GALNT2: variants seen among roughly 807,000 people sequenced by gnomAD.
GALNT2 encodes UDP-GalNAc:polypeptide N-acetylgalactosaminyltransferase 2.
A neutral mutation model predicts 81.4 loss-of-function variants in GALNT2; 31 were observed. The ratio of observed to expected loss-of-function variants is 0.38; its 90% CI spans 0.29 to 0.51. The LOEUF (loss-of-function observed/expected upper bound fraction) is 0.51, where lower values mean the gene tolerates loss of function less well. Ranked by LOEUF, GALNT2 falls within the 20% of genes least tolerant of loss-of-function variation. The pLI is 0.87. For synonymous variants in GALNT2, 303 were observed against 287.4 expected, an observed-to-expected ratio of 1.05 and a Z score of -0.55; for missense variants, 629 against 765.7, an observed-to-expected ratio of 0.82 and a Z score of 2.11.
intron 1 of GALNT2, among the ~76,000 whole-genome samples, chr1:230,089,250 G>C (rs1463582834): frequency 1.3e-5 from 2 of 151,322 alleles, no homozygotes; most frequent in African/African-American, 2.4e-5. Context: ...GGGTTCAAGC[G>C]ATTCTTCTGC....
intron 2 of GALNT2, among the ~76,000 whole-genome samples, chr1:230,188,861 G>T (rs1023105872): frequency 6.6e-6 from 1 of 152,160 alleles, no homozygotes; most frequent in Non-Finnish European, 1.5e-5. Flanking sequence ...AGAGAAGAAT[G>T]TCATTTTTTC....
At chr1:230,238,003 G>A (rs1451465463) in intron 6 of GALNT2, among the ~76,000 whole-genome samples, 1 of 152,198 alleles carries the variant, frequency 6.6e-6, no homozygotes, top group African/African-American at 2.4e-5. Context: ...GTTCATTTCG[G>A]TTGAACCCGT....
intron 1 of GALNT2, among the ~76,000 whole-genome samples, chr1:230,069,333 G>A (rs1659305488): frequency 6.6e-6 from 1 of 151,982 alleles, no homozygotes; most frequent in Non-Finnish European, 1.5e-5. Context: ...GACAGGTACG[G>A]AGACCAGGTA....
intron 3 of GALNT2, among the ~76,000 whole-genome samples, chr1:230,229,572 T>TG (rs1295973370): frequency 3.9e-5 from 6 of 152,156 alleles, no homozygotes; most frequent in African/African-American, 1.4e-4. Context: ...TAGTCCTACT[T>TG]GTGGGTAAAT....
intron 3 of GALNT2, among the ~76,000 whole-genome samples, chr1:230,207,887 T>G (rs1325881405): frequency 1.3e-5 from 2 of 151,856 alleles, no homozygotes. Flanking sequence ...AGCCCCATCC[T>G]AGTTTTGAAA....
chr1:230,236,239 G>A, intron 4 of GALNT2, 114 bp from the exon 5 acceptor site: 1 of 1,352,902 alleles, frequency 7.4e-7, no homozygotes, highest in Non-Finnish European at 1.0e-6. Context: ...ACAGGGTGCA[G>A]TGTGTAGCTC....
chr1:230,169,303 G>A (rs1662713506), intron 1 of GALNT2, among the ~76,000 whole-genome samples: 2 of 152,226 alleles, frequency 1.3e-5, no homozygotes, highest in Admixed American at 1.3e-4. Context: ...ATAGTTCAAA[G>A]GGGATGGGAT....
intron 3 of GALNT2, among the ~76,000 whole-genome samples, chr1:230,208,670 G>A (rs1016272065): frequency 6.6e-6 from 1 of 152,220 alleles, no homozygotes; most frequent in Admixed American, 6.5e-5. Context: ...TGGAGCCAAC[G>A]GCTGACACTT....
At position 230,275,813 on chromosome 1, in the gene GALNT2, A is replaced by AATATACATGCCACATATATACATGT. The variant is rs1226494442; in HGVS notation, c.1560+1266_1560+1290dup. 2.0e-5 allele frequency among the ~76,000 whole-genome samples: 3 copies of AATATACATGCCACATATATACATGT among 150,644 alleles called. No individual in the cohort carries two copies. The highest frequency in any genetic ancestry group is 3.0e-5 in the Non-Finnish European group (2 of 67,610). ...TATATACATGCCACATATATATACA[A>AATATACATGCCACATATATACATGT]ATATACATGCCACATATATACATGT... On this transcript the variant is annotated intron_variant, in intron 15 of 15. Transcript: ENST00000366672. The surrounding 1 kb of genome is among the most constrained non-coding windows in gnomAD (Gnocchi z 5.5).
At chr1:230,268,173 T>A (rs1666081900) in intron 14 of GALNT2, 1 of 152,224 alleles carries the variant, frequency 6.6e-6, no homozygotes, top group African/African-American at 2.4e-5. Context: ...TGGGTCTCAT[T>A]CTCAGCAAGC....
chr1:230,182,991 A>C (rs1003480016), intron 2 of GALNT2, among the ~76,000 whole-genome samples: 10 of 152,362 alleles, frequency 6.6e-5, no homozygotes, highest in African/African-American at 2.4e-4. Flanking sequence ...ACTTTTAAAA[A>C]ATCATTGTGT....
chr1:230,135,304 T>G (rs527671009), intron 1 of GALNT2, among the ~76,000 whole-genome samples: 2 of 152,330 alleles, frequency 1.3e-5, no homozygotes, highest in Admixed American at 1.3e-4. Context: ...TCTCTAATGA[T>G]ACAGAATCTT....
intron 3 of GALNT2, among the ~76,000 whole-genome samples, chr1:230,206,740 G>A (rs980872248): frequency 3.3e-5 from 5 of 152,214 alleles, no homozygotes; most frequent in African/African-American, 9.7e-5. Flanking sequence ...AGCAGTACAG[G>A]TGGAGGGTAA....
At chr1:230,231,744 T>C (rs548578380) in intron 3 of GALNT2, among the ~76,000 whole-genome samples, 11 of 152,302 alleles carry the variant, frequency 7.2e-5, no homozygotes, top group African/African-American at 2.6e-4. Context: ...GATCTTTACA[T>C]GTCCAGTTTT....
chr1:230,159,768 C>A (rs910642723), intron 1 of GALNT2, among the ~76,000 whole-genome samples: 1 of 152,240 alleles, frequency 6.6e-6, no homozygotes, highest in Non-Finnish European at 1.5e-5. Flanking sequence ...GTCTACCTCC[C>A]CCCACCTGCA....
At chr1:230,107,327 T>C (rs76816696) in intron 1 of GALNT2, among the ~76,000 whole-genome samples, 1 of 152,044 alleles carries the variant, frequency 6.6e-6, no homozygotes, top group Non-Finnish European at 1.5e-5. Context: ...TCCAGCACTT[T>C]AGGAGGCTGA....
intron 1 of GALNT2, among the ~76,000 whole-genome samples, chr1:230,130,190 TC>T (rs1414033199): frequency 6.6e-6 from 1 of 152,232 alleles, no homozygotes; most frequent in African/African-American, 2.4e-5. Flanking sequence ...CATCCCGCCT[TC>T]TACTACCATC....
intron 11 of GALNT2, among the ~76,000 whole-genome samples, chr1:230,258,242 T>G (rs904743104): frequency 1.2e-4 from 18 of 150,628 alleles, no homozygotes; most frequent in African/African-American, 4.1e-4. Context: ...TTTTTTTTCT[T>G]TTTTGAGACG....
chr1:230,245,017 TG>T (rs1044133689), intron 7 of GALNT2, among the ~76,000 whole-genome samples: 1 of 152,208 alleles, frequency 6.6e-6, no homozygotes, highest in African/African-American at 2.4e-5. Flanking sequence ...ACTGTCAGCA[TG>T]GGGCACAGTC....
Sources: allele counts gnomAD v4.1 joint callset (sites outside exome capture counted in the v4.1 genomes callset), GRCh38; gene constraint gnomAD v4.1.1; non-coding constraint Gnocchi (gnomAD v3.1); transcripts MANE v1.5; gene names NCBI Gene and HGNC (gene_info 2026-07-23, HGNC 2026-07-21).